Variants in GRM7 observed in about 807,000 individuals in gnomAD.
GRM7 encodes glutamate metabotropic receptor 7, also known as metabotropic glutamate receptor 7.
Under a neutral mutation model 84.5 loss-of-function variants are expected in GRM7, and 35 were observed. That is an observed-to-expected ratio of 0.41 (90% CI 0.32 to 0.55). The LOEUF (loss-of-function observed/expected upper bound fraction) is 0.55. Among genes scored for constraint, GRM7 ranks in the 20% least tolerant of loss-of-function variants. The probability of loss-of-function intolerance (pLI) is 0.19; values close to 1 mark genes in which losing one functional copy is unlikely to be tolerated. For missense variants in GRM7, 1,003 were observed against 1,194.6 expected (o/e 0.84, Z 2.36); for synonymous variants, 487 against 455.1 (o/e 1.07, Z -0.89).
At chr3:7,304,823 A>G (rs1031992274) in intron 3 of GRM7, among the ~76,000 whole-genome samples, 5 of 151,686 alleles carry the variant, frequency 3.3e-5, no homozygotes. Context: ...TTTTTTTCCC[A>G]TATATTATCT....
At chr3:6,998,714 C>A (rs370366536) in intron 1 of GRM7, among the ~76,000 whole-genome samples, 1 of 152,204 alleles carries the variant, frequency 6.6e-6, no homozygotes, top group South Asian at 2.1e-4. Flanking sequence ...GCAGGCTCAA[C>A]GCCACATGAA....
intron 1 of GRM7, among the ~76,000 whole-genome samples, chr3:6,954,576 T>C (rs1372648045): frequency 1.3e-5 from 2 of 152,204 alleles, no homozygotes; most frequent in South Asian, 2.1e-4. Context: ...ACTTTGGTTC[T>C]GAATTCTGAA....
At chr3:7,639,998 A>G (rs1317532630) in intron 8 of GRM7, among the ~76,000 whole-genome samples, 1 of 152,136 alleles carries the variant, frequency 6.6e-6, no homozygotes, top group Non-Finnish European at 1.5e-5. Context: ...TTATTTTTTG[A>G]GATTCAATCA....
intron 4 of GRM7, among the ~76,000 whole-genome samples, chr3:7,332,389 A>G (rs10510363): frequency 0.04 from 6,025 of 152,284 alleles, 255 homozygotes; most frequent in African/African-American, 0.11. Context: ...TACAGCTATG[A>G]TCAAAGAAAA....
chr3:7,631,559 C>T (rs1697861473), intron 8 of GRM7, among the ~76,000 whole-genome samples: 1 of 152,160 alleles, frequency 6.6e-6, no homozygotes, highest in South Asian at 2.1e-4. Flanking sequence ...TACCTGCCTT[C>T]ATGAAGCTTT....
chr3:7,202,531 A>G (rs1269485165), intron 2 of GRM7, among the ~76,000 whole-genome samples: 1 of 152,080 alleles, frequency 6.6e-6, no homozygotes, highest in Non-Finnish European at 1.5e-5. Flanking sequence ...GGGTTTCACC[A>G]TGTTAGCTGG....
chr3:6,866,339 GC>G lies in GRM7; in HGVS notation c.519+4433del. On this transcript the variant is annotated intron_variant, in intron 1 of 9. Coordinates refer to ENST00000357716, the MANE Select transcript of GRM7 (RefSeq NM_000844.4). ...TTTCTAGGCTTCATTTGCCTTATCT[GC>G]TTTTTTTTTTTTCTTTAAAAATGTA... Among the ~76,000 whole-genome samples the G allele has an allele frequency of 2.7e-5, 4 of 149,364 alleles. No homozygotes were observed. The Middle Eastern group carries it at 0.014, about 530-fold the overall frequency.
intron 1 of GRM7, among the ~76,000 whole-genome samples, chr3:6,913,661 C>A (rs1182595802): frequency 2.0e-5 from 3 of 152,148 alleles, no homozygotes; most frequent in African/African-American, 4.8e-5. Flanking sequence ...ATTCTTTATT[C>A]ATAAAGTGAT....
rs577923215 is a variant in GRM7, at chr3:7,512,344, AATAG to A, written c.1515+50634_1515+50637del. ...AGTTATTATTTTTTAAGTGAAGTGTAATAGATAGATAGATAAGAGATTGGTAAAT... is the reference window on the plus strand; with the variant it reads ...AGTTATTATTTTTTAAGTGAAGTGTAATAGATAGATAAGAGATTGGTAAAT... On this transcript the variant is annotated intron_variant, in intron 7 of 9. Coordinates refer to ENST00000357716, the MANE Select transcript of GRM7 (RefSeq NM_000844.4). 4.6e-5 allele frequency among the ~76,000 whole-genome samples: 7 copies of A among 152,298 alleles called. No individual in the cohort carries two copies. In the South Asian group the frequency reaches 1.2e-3, roughly 27 times the overall value.
intron 1 of GRM7, among the ~76,000 whole-genome samples, chr3:7,134,724 G>A (rs749918650): frequency 2.0e-5 from 3 of 151,976 alleles, no homozygotes; most frequent in Non-Finnish European, 2.9e-5. Flanking sequence ...GGCAAATCTG[G>A]GAACTGTAAC....
At chr3:7,348,033 A>T (rs565765770) in intron 4 of GRM7, among the ~76,000 whole-genome samples, 8 of 152,184 alleles carry the variant, frequency 5.3e-5, no homozygotes, top group African/African-American at 1.9e-4. Flanking sequence ...CACTTAGCAG[A>T]TGACTCATCC....
intron 7 of GRM7, among the ~76,000 whole-genome samples, chr3:7,553,863 T>A (rs1302303937): frequency 6.6e-6 from 1 of 152,200 alleles, no homozygotes; most frequent in Non-Finnish European, 1.5e-5. Flanking sequence ...TATCAGTTCT[T>A]ACCTAGGAAA....
intron 2 of GRM7, among the ~76,000 whole-genome samples, chr3:7,243,839 C>A (rs1217660311): frequency 6.6e-6 from 1 of 152,088 alleles, no homozygotes; most frequent in East Asian, 1.9e-4. Context: ...GGCTACAAAC[C>A]TGTATTGCAT....
intron 8 of GRM7, among the ~76,000 whole-genome samples, chr3:7,635,278 G>GCA (rs1559453683): frequency 1.3e-5 from 2 of 152,000 alleles, no homozygotes; most frequent in Non-Finnish European, 2.9e-5. Flanking sequence ...ATGGGACTTT[G>GCA]AAAAATCTCA....
chr3:7,029,315 C>CAAAAAAAAAAA (rs1207041327), intron 1 of GRM7, among the ~76,000 whole-genome samples: 1 of 92,838 alleles, frequency 1.1e-5, no homozygotes, highest in Admixed American at 1.1e-4. Context: ...AAAAAAAAAA[C>CAAAAAAAAAAA]AAAAAAAAAA....
chr3:7,306,723 C>T, intron 4 of GRM7, 71 bp downstream of exon 4: 1 of 1,341,754 alleles, frequency 7.5e-7, no homozygotes, highest in Non-Finnish European at 1.0e-6. Context: ...AAGCATGTGA[C>T]TTTTTAGGGG....
intron 1 of GRM7, among the ~76,000 whole-genome samples, chr3:6,887,852 G>A (rs1440546577): frequency 6.6e-6 from 1 of 152,210 alleles, no homozygotes; most frequent in Non-Finnish European, 1.5e-5. Flanking sequence ...CGCCAACAAT[G>A]TAAAAGCATT....
intron 7 of GRM7, among the ~76,000 whole-genome samples, chr3:7,573,511 T>G (rs77205022): frequency 0.031 from 4,738 of 152,282 alleles, 210 homozygotes; most frequent in African/African-American, 0.11. Context: ...ACAGTGTTTA[T>G]AACAATTCTA....
At chr3:7,061,200 G>A (rs1002930855) in intron 1 of GRM7, among the ~76,000 whole-genome samples, 3 of 151,766 alleles carry the variant, frequency 2.0e-5, no homozygotes, top group Non-Finnish European at 4.4e-5. Context: ...TAACATGGGT[G>A]ACTTTGTTTT....
Sources: gnomAD v4.1 joint callset for allele counts (sites outside exome capture counted in the v4.1 genomes callset) on GRCh38, gnomAD v4.1.1 for gene constraint, MANE v1.5 for transcripts, NCBI Gene and HGNC (gene_info 2026-07-23, HGNC 2026-07-21) for gene names.